Variants in AASS observed in about 807,000 individuals in gnomAD.
The protein encoded by AASS is alpha-aminoadipic semialdehyde synthase, mitochondrial.
AASS carries 86 observed loss-of-function variants against 105.4 expected under a neutral mutation model. The observed-to-expected ratio is 0.82, with a 90% confidence interval of 0.69 to 0.98. The LOEUF (loss-of-function observed/expected upper bound fraction) is 0.98, where lower values mean the gene tolerates loss of function less well. AASS is among the 50% of genes least tolerant of loss of function. AASS has a pLI of 0.00. For missense variants in AASS, 1,048 were observed against 1,143.2 expected (o/e 0.92, Z 1.20); for synonymous variants, 381 against 394.8 (o/e 0.96, Z 0.41).
intron 8 of AASS, among the ~76,000 whole-genome samples, chr7:122,116,270 G>C (rs1239777420): frequency 6.6e-6 from 1 of 152,080 alleles, no homozygotes; most frequent in African/African-American, 2.4e-5. Context: ...TGCAATTTGC[G>C]GCCATGTTGA....
At chr7:122,112,979 CAGTA>C in intron 11 of AASS, 135 bp downstream of exon 11, 2 of 730,168 alleles carry the variant, frequency 2.7e-6, no homozygotes, top group Non-Finnish European at 4.8e-6. Flanking sequence ...AAAATAGTAT[CAGTA>C]AGTATTTCAG....
chr7:122,124,834 C>T (rs1441242041), intron 4 of AASS, among the ~76,000 whole-genome samples: 2 of 152,100 alleles, frequency 1.3e-5, no homozygotes, highest in Non-Finnish European at 2.9e-5. Context: ...TGCTTTTATA[C>T]TAAGAAATTT....
chr7:122,077,083 T>C (rs1261096274), intron 23 of AASS, among the ~76,000 whole-genome samples: 2 of 152,230 alleles, frequency 1.3e-5, no homozygotes, highest in Admixed American at 1.3e-4. Context: ...CCCCAACTTT[T>C]ATCACTTACT....
intron 19 of AASS, among the ~76,000 whole-genome samples, chr7:122,084,927 T>A (rs141357177): frequency 7.4e-4 from 113 of 152,214 alleles, no homozygotes; most frequent in African/African-American, 2.4e-3. Context: ...GTATTTTAGG[T>A]ATGCTGGTTA....
intron 1 of AASS, among the ~76,000 whole-genome samples, chr7:122,142,027 C>T (rs907303814): frequency 3.9e-5 from 6 of 152,086 alleles, no homozygotes; most frequent in African/African-American, 1.4e-4. Context: ...GGACATTCAC[C>T]TAAGCTACCT....
intron 8 of AASS, among the ~76,000 whole-genome samples, chr7:122,116,387 T>C (rs1034314950): frequency 2.6e-5 from 4 of 152,134 alleles, no homozygotes; most frequent in African/African-American, 9.7e-5. Context: ...TGGGCACATG[T>C]AGACCTGAAG....
intron 1 of AASS, chr7:122,133,942 ATTTT>A: frequency 1.7e-6 from 1 of 593,570 alleles, no homozygotes; most frequent in Admixed American, 2.9e-5. Flanking sequence ...TAACTGCAAA[ATTTT>A]AAAAAGTATA....
At chr7:122,127,031 AC>A (rs1289246585) in intron 3 of AASS, among the ~76,000 whole-genome samples, 1 of 152,134 alleles carries the variant, frequency 6.6e-6, no homozygotes, top group African/African-American at 2.4e-5. Flanking sequence ...AAGTCCAAGC[AC>A]AGATATTTTT....
intron 11 of AASS, among the ~76,000 whole-genome samples, chr7:122,111,671 A>C (rs2150532639): frequency 6.6e-6 from 1 of 152,234 alleles, no homozygotes; most frequent in South Asian, 2.1e-4. Context: ...TGGGAGGCCG[A>C]GGCGGGTGGA....
chr7:122,109,101 T>G (rs1253086788), intron 11 of AASS, among the ~76,000 whole-genome samples: 1 of 151,736 alleles, frequency 6.6e-6, no homozygotes, highest in East Asian at 1.9e-4. Context: ...ATGAAAGATC[T>G]CTATACTAAA....
chr7:122,078,775 G>A (rs1562899425), intron 22 of AASS, 87 bp downstream of exon 22: 8 of 1,272,198 alleles, frequency 6.3e-6, no homozygotes, highest in Non-Finnish European at 6.9e-6. Flanking sequence ...CCTGCTGCTT[G>A]GGGCCAACCC....
chr7:122,113,508 T>C, intron 10 of AASS, 90 bp downstream of exon 10: 1 of 1,538,094 alleles, frequency 6.5e-7, no homozygotes. Flanking sequence ...TTTTCATAAC[T>C]TCATAAAGAT....
intron 2 of AASS, among the ~76,000 whole-genome samples, chr7:122,132,697 A>G (rs1045666568): frequency 2.6e-5 from 4 of 152,210 alleles, no homozygotes; most frequent in African/African-American, 9.6e-5. Flanking sequence ...TGAATATAAC[A>G]TATAGAATAT....
At chr7:122,121,593 T>A (rs1217849737) in intron 4 of AASS, among the ~76,000 whole-genome samples, 1 of 152,068 alleles carries the variant, frequency 6.6e-6, no homozygotes, top group Non-Finnish European at 1.5e-5. Context: ...TGGGACTTCA[T>A]CGTGTGCCCA....
At chr7:122,112,605 A>G (rs2150533435) in intron 11 of AASS, among the ~76,000 whole-genome samples, 1 of 152,292 alleles carries the variant, frequency 6.6e-6, no homozygotes, top group Middle Eastern at 3.4e-3. Context: ...GAAATAAGAA[A>G]AATTTTCTTT....
chr7:122,079,550 T>G lies in AASS; in HGVS notation c.2396+47A>C, dbSNP rs745473294. On this transcript the variant is annotated intron_variant, in intron 21 of 23. Transcript: ENST00000417368. ...ACTTTTTCTGAGTAGAAATTAGCAA[T>G]CATTGATCCAGTATATTTTGCTCTA... 7 of 1,384,638 alleles carry G rather than the reference T, an allele frequency of 5.1e-6. No individual in the cohort carries two copies. In the East Asian group the frequency reaches 1.6e-4, roughly 32 times the overall value. 85.8% of individuals were successfully genotyped at this position (1,384,638 alleles called of 1,614,324 possible).
At chr7:122,084,226 C>T (rs1277475210) in intron 19 of AASS, among the ~76,000 whole-genome samples, 2 of 152,138 alleles carry the variant, frequency 1.3e-5, no homozygotes, top group East Asian at 3.9e-4. Flanking sequence ...GGTAGAAGAG[C>T]CATAGCTCCT....
At chr7:122,133,366 G>T in intron 2 of AASS, 151 bp downstream of exon 2, 1 of 887,796 alleles carries the variant, frequency 1.1e-6, no homozygotes, top group Non-Finnish European at 1.8e-6. Flanking sequence ...TTATTCCTCA[G>T]CTGGAGTAAG....
At position 122,098,866 on chromosome 7, in the gene AASS, C is replaced by T; in HGVS notation, c.1407G>A (p.Arg469=). The T allele has an allele frequency of 1.3e-6, 2 of 1,495,310 alleles. No individual in the cohort carries two copies. The highest frequency in any genetic ancestry group is 1.8e-6 in the Non-Finnish European group (2 of 1,124,964). The allele number at this position is 1,495,310 out of a possible 1,614,324, so 92.6% of individuals were successfully genotyped here. The change falls in exon 14 of 24, where the codon AGG becomes AGA. Residue 469 remains arginine (R), a splice_region_variant and synonymous_variant. Transcript: ENST00000417368. ...YKYIQTLRES[R]ERAQSLSMGT... ...CCATTGAAAGTGACTGAGCACGTTC[C>T]CTATTTAAAAAAAAAAAAAAAAAAA...
Sources: gnomAD v4.1 joint callset for allele counts (sites outside exome capture counted in the v4.1 genomes callset) on GRCh38, gnomAD v4.1.1 for gene constraint, MANE v1.5 for transcripts, NCBI Gene and HGNC (gene_info 2026-07-23, HGNC 2026-07-21) for gene names.